The following PTPRD variants were observed in gnomAD, a reference collection of about 807,000 sequenced individuals.
PTPRD encodes the protein protein tyrosine phosphatase receptor type D, also known as receptor-type tyrosine-protein phosphatase delta.
Under a neutral mutation model 214.5 loss-of-function variants are expected in PTPRD, and 34 were observed. The ratio of observed to expected loss-of-function variants is 0.16; its 90% CI spans 0.12 to 0.21. PTPRD has a LOEUF of 0.21. Among genes scored for constraint, PTPRD ranks in the 10% least tolerant of loss-of-function variants. The probability of loss-of-function intolerance (pLI) is 1.00; values close to 1 mark genes in which losing one functional copy is unlikely to be tolerated. For synonymous variants in PTPRD, 1,128 were observed against 845.7 expected, an observed-to-expected ratio of 1.33 and a Z score of -5.79; for missense variants, 2,545 against 2,398.7, an observed-to-expected ratio of 1.06 and a Z score of -1.27.
At chr9:10,257,653 C>T (rs2093382062) in intron 3 of PTPRD, among the ~76,000 whole-genome samples, 1 of 152,150 alleles carries the variant, frequency 6.6e-6, no homozygotes, top group Non-Finnish European at 1.5e-5. Context: ...GCTGTAATAT[C>T]TGAGAGGAGA....
At chr9:9,272,300 A>C (rs77329385) in intron 9 of PTPRD, among the ~76,000 whole-genome samples, 2,808 of 151,386 alleles carry the variant, frequency 0.019, 85 homozygotes, top group African/African-American at 0.064. Flanking sequence ...TAAATGTCGG[A>C]ATTAGACTAA....
chr9:8,734,931 A>G (rs2089785831), intron 11 of PTPRD, among the ~76,000 whole-genome samples: 1 of 152,130 alleles, frequency 6.6e-6, no homozygotes, highest in South Asian at 2.1e-4. Flanking sequence ...GCATTCCAGG[A>G]ATTCTATGCA....
chr9:8,323,191 AG>A (rs1329686217), intron 44 of PTPRD, among the ~76,000 whole-genome samples: 1 of 152,184 alleles, frequency 6.6e-6, no homozygotes, highest in African/African-American at 2.4e-5. Flanking sequence ...TTAGAATAAA[AG>A]ATTCTTTTCA....
At chr9:10,044,529 A>G (rs548076515) in intron 3 of PTPRD, among the ~76,000 whole-genome samples, 1 of 151,930 alleles carries the variant, frequency 6.6e-6, no homozygotes, top group East Asian at 1.9e-4. Context: ...AGCCACAAAT[A>G]CAGGGAATCT....
chr9:10,267,981 A>G (rs965593149), intron 3 of PTPRD, among the ~76,000 whole-genome samples: 1 of 152,060 alleles, frequency 6.6e-6, no homozygotes, highest in Admixed American at 6.6e-5. Context: ...AAAATATGCT[A>G]AAAAAATAGT....
intron 3 of PTPRD, among the ~76,000 whole-genome samples, chr9:10,336,500 G>C (rs553980952): frequency 7.0e-4 from 106 of 151,652 alleles, no homozygotes; most frequent in African/African-American, 2.5e-3. Context: ...TATGAAAAGA[G>C]CCAGGATTAG....
chr9:8,385,647 A>C (rs2086730937), intron 37 of PTPRD, among the ~76,000 whole-genome samples: 1 of 152,198 alleles, frequency 6.6e-6, no homozygotes, highest in African/African-American at 2.4e-5. Context: ...TGTAAAACTG[A>C]ACAATAAGGA....
intron 8 of PTPRD, among the ~76,000 whole-genome samples, chr9:9,417,844 A>G (rs1202074670): frequency 1.3e-5 from 2 of 152,108 alleles, no homozygotes; most frequent in Non-Finnish European, 2.9e-5. Flanking sequence ...CACTTTGAAC[A>G]TACCTATGCT....
At chr9:9,490,197 C>T (rs1244245868) in intron 8 of PTPRD, among the ~76,000 whole-genome samples, 1 of 152,062 alleles carries the variant, frequency 6.6e-6, no homozygotes, top group Non-Finnish European at 1.5e-5. Context: ...AAGACATTCA[C>T]AGATAAACAA....
chr9:8,440,108 C>T (rs2095498033), intron 34 of PTPRD, among the ~76,000 whole-genome samples: 1 of 151,266 alleles, frequency 6.6e-6, no homozygotes, highest in South Asian at 2.1e-4. Context: ...TCCTTTTTTT[C>T]CCATTTAGAA....
At chr9:8,669,049 C>T (rs1360186299) in intron 12 of PTPRD, among the ~76,000 whole-genome samples, 1 of 152,042 alleles carries the variant, frequency 6.6e-6, no homozygotes, top group African/African-American at 2.4e-5. Flanking sequence ...AGAGAAGACT[C>T]AATTCTCTCT....
chr9:9,801,910 T>C (rs1355771723), intron 5 of PTPRD, among the ~76,000 whole-genome samples: 2 of 152,200 alleles, frequency 1.3e-5, no homozygotes, highest in East Asian at 3.9e-4. Flanking sequence ...ATCAGAATAC[T>C]ATAATGATAA....
intron 9 of PTPRD, among the ~76,000 whole-genome samples, chr9:9,256,286 G>A (rs1040559893): frequency 2.0e-5 from 3 of 151,938 alleles, no homozygotes; most frequent in African/African-American, 7.2e-5. Flanking sequence ...TTGAAAAAAT[G>A]CTACTGCAGA....
At chr9:9,984,232 C>G (rs866346704) in intron 4 of PTPRD, among the ~76,000 whole-genome samples, 1 of 152,014 alleles carries the variant, frequency 6.6e-6, no homozygotes, top group Non-Finnish European at 1.5e-5. Context: ...AGAAACCACA[C>G]AGTGATTTTG....
At chr9:8,824,141 C>T (rs187764919) in intron 11 of PTPRD, among the ~76,000 whole-genome samples, 1 of 152,246 alleles carries the variant, frequency 6.6e-6, no homozygotes, top group East Asian at 1.9e-4. Flanking sequence ...TTTTCATGGC[C>T]TGTATTTTGT....
chr9:9,854,582 C>G (rs1377743130), intron 5 of PTPRD, among the ~76,000 whole-genome samples: 1 of 151,888 alleles, frequency 6.6e-6, no homozygotes, highest in Non-Finnish European at 1.5e-5. Flanking sequence ...ATTTAACTAC[C>G]ACAGATAAAT....
chr9:9,489,837 A>G (rs981121830), intron 8 of PTPRD, among the ~76,000 whole-genome samples: 4 of 152,136 alleles, frequency 2.6e-5, no homozygotes, highest in African/African-American at 9.6e-5. Flanking sequence ...ATGAAAAAAT[A>G]TTTAATGAAA....
chr9:10,532,437 TC>T (rs903271842), intron 2 of PTPRD: 30 of 140,130 alleles, frequency 2.1e-4, no homozygotes, highest in African/African-American at 6.8e-4. Flanking sequence ...TGGTTAGTGT[TC>T]CTAAAATAAA....
chr9:8,410,382 T>G (rs1442252549), intron 35 of PTPRD, among the ~76,000 whole-genome samples: 1 of 152,160 alleles, frequency 6.6e-6, no homozygotes, highest in African/African-American at 2.4e-5. Context: ...GCCGGTCAGG[T>G]AACTTGGGTC....
Sources: allele counts gnomAD v4.1 joint callset (sites outside exome capture counted in the v4.1 genomes callset), GRCh38; gene constraint gnomAD v4.1.1; transcripts MANE v1.5; gene names NCBI Gene and HGNC (gene_info 2026-07-23, HGNC 2026-07-21).